Variants in MARCHF11 observed in about 807,000 individuals in gnomAD.
MARCHF11 encodes membrane associated ring-CH-type finger 11, also known as E3 ubiquitin-protein ligase MARCHF11.
Under a neutral mutation model 37.3 loss-of-function variants are expected in MARCHF11, and 29 were observed. The ratio of observed to expected loss-of-function variants is 0.78; its 90% CI spans 0.58 to 1.06. The LOEUF is 1.06. Ranked by LOEUF, MARCHF11 falls within the 50% of genes least tolerant of loss-of-function variation. The probability of loss-of-function intolerance (pLI) is 0.00; values close to 1 mark genes in which losing one functional copy is unlikely to be tolerated. For missense variants in MARCHF11, 482 were observed against 533.4 expected, an observed-to-expected ratio of 0.90 and a Z score of 0.95; for synonymous variants, 233 against 228.0, an observed-to-expected ratio of 1.02 and a Z score of -0.20.
intron 2 of MARCHF11, chr5:16,141,580 C>T (rs1737708466): frequency 6.6e-6 from 1 of 152,164 alleles, no homozygotes; most frequent in Admixed American, 6.5e-5. Context: ...GAACGATGTC[C>T]TTGGAAAGTC....
chr5:16,159,223 A>T (rs1262655429), intron 2 of MARCHF11, among the ~76,000 whole-genome samples: 2 of 151,872 alleles, frequency 1.3e-5, no homozygotes, highest in Non-Finnish European at 2.9e-5. Context: ...AATAAGTTTT[A>T]TGGACACACC....
chr5:16,098,435 T>C (rs571327338), intron 2 of MARCHF11, among the ~76,000 whole-genome samples: 1 of 152,268 alleles, frequency 6.6e-6, no homozygotes, highest in East Asian at 1.9e-4. Flanking sequence ...CAAGAAAACC[T>C]GTTAGAATTA....
At chr5:16,171,312 A>C (rs1289656216) in intron 2 of MARCHF11, among the ~76,000 whole-genome samples, 2 of 148,550 alleles carry the variant, frequency 1.3e-5, no homozygotes, top group Non-Finnish European at 3.0e-5. Flanking sequence ...TAAGTTTATA[A>C]TAAGTTCATT....
chr5:16,133,901 C>A (rs1737563815), intron 2 of MARCHF11, among the ~76,000 whole-genome samples: 1 of 152,072 alleles, frequency 6.6e-6, no homozygotes, highest in Non-Finnish European at 1.5e-5. Flanking sequence ...CGGGCCATAG[C>A]TTGTACAAGG....
At chr5:16,117,451 C>T (rs1214580324) in intron 2 of MARCHF11, among the ~76,000 whole-genome samples, 1 of 152,180 alleles carries the variant, frequency 6.6e-6, no homozygotes, top group Non-Finnish European at 1.5e-5. Context: ...CTTTGCACTC[C>T]TGAACTAACT....
intron 3 of MARCHF11, among the ~76,000 whole-genome samples, chr5:16,075,361 TG>T (rs1190751207): frequency 6.6e-6 from 1 of 152,220 alleles, no homozygotes; most frequent in African/African-American, 2.4e-5. Context: ...ATTTCTTCTC[TG>T]ATGTACTCAA....
rs1737970773 is a variant in MARCHF11 at position 16,155,846 on chromosome 5, C to T, written c.693+21880G>A. 2.0e-5 allele frequency among the ~76,000 whole-genome samples: 3 copies of T among 151,818 alleles called. No individual in the cohort carries two copies. In the South Asian group the frequency reaches 6.2e-4, roughly 31 times the overall value. Reference sequence around the variant, plus strand: ...AGTAGCCACTGTATTGTAACACAAACGATAATAAATGTGCTTCTTTTCTGA... The same window carrying T: ...AGTAGCCACTGTATTGTAACACAAATGATAATAAATGTGCTTCTTTTCTGA... On this transcript the variant is annotated intron_variant, in intron 2 of 3. Transcript: ENST00000332432.
intron 2 of MARCHF11, among the ~76,000 whole-genome samples, chr5:16,115,681 G>A (rs1737217385): frequency 2.0e-5 from 3 of 151,102 alleles, no homozygotes; most frequent in Admixed American, 2.0e-4. Flanking sequence ...AGGCTGGAGT[G>A]CAGTGGTGCA....
chr5:16,072,232 C>T (rs1254736577), intron 3 of MARCHF11, among the ~76,000 whole-genome samples: 1 of 152,126 alleles, frequency 6.6e-6, no homozygotes, highest in Non-Finnish European at 1.5e-5. Context: ...AAATGTAAAC[C>T]TTGAGTACTA....
chr5:16,124,542 G>A (rs1423034667), intron 2 of MARCHF11, among the ~76,000 whole-genome samples: 1 of 152,146 alleles, frequency 6.6e-6, no homozygotes, highest in African/African-American at 2.4e-5. Flanking sequence ...CCCAGGAGAA[G>A]ACAGAACCAT....
At chr5:16,113,184 A>C (rs1737175954) in intron 2 of MARCHF11, among the ~76,000 whole-genome samples, 1 of 152,206 alleles carries the variant, frequency 6.6e-6, no homozygotes, top group South Asian at 2.1e-4. Context: ...ATTTTTTCCC[A>C]AAATCACCAG....
rs564357871 is a variant in MARCHF11 at position 16,068,587 on chromosome 5, C to T, written c.887-794G>A. On this transcript the variant is annotated intron_variant, in intron 3 of 3. Transcript: ENST00000332432. ...GATCTTTCCACGTTTCTGAGACAGACTCTCAGGAAAATAAAGTAATACAGC... is the reference window on the plus strand; with the variant it reads ...GATCTTTCCACGTTTCTGAGACAGATTCTCAGGAAAATAAAGTAATACAGC... 2.0e-5 allele frequency among the ~76,000 whole-genome samples: 3 copies of T among 152,254 alleles called. No individual in the cohort carries two copies. The South Asian group carries it at 6.2e-4, about 32-fold the overall frequency.
intron 2 of MARCHF11, among the ~76,000 whole-genome samples, chr5:16,108,866 A>G (rs1737090268): frequency 6.6e-6 from 1 of 152,112 alleles, no homozygotes; most frequent in Non-Finnish European, 1.5e-5. Context: ...TTATGGAGAC[A>G]ACATTTGTAA....
intron 3 of MARCHF11, among the ~76,000 whole-genome samples, chr5:16,071,558 A>G (rs76585353): frequency 0.018 from 2,805 of 152,322 alleles, 71 homozygotes; most frequent in African/African-American, 0.064. Flanking sequence ...AATTCTTTCT[A>G]GTATTAGGCT....
At chr5:16,107,010 CCATGAACGT>C (rs1737052306) in intron 2 of MARCHF11, among the ~76,000 whole-genome samples, 1 of 152,194 alleles carries the variant, frequency 6.6e-6, no homozygotes, top group Admixed American at 6.5e-5. Flanking sequence ...ACCACCTGCC[CCATGAACGT>C]CAGATGTGGC....
chr5:16,148,128 T>G (rs1179576377), intron 2 of MARCHF11, among the ~76,000 whole-genome samples: 2 of 152,120 alleles, frequency 1.3e-5, no homozygotes, highest in African/African-American at 4.8e-5. Flanking sequence ...GAGTGCAATC[T>G]ATAACTTTCA....
chr5:16,176,422 C>A (rs1452969085), intron 2 of MARCHF11, among the ~76,000 whole-genome samples: 1 of 152,138 alleles, frequency 6.6e-6, no homozygotes, highest in African/African-American at 2.4e-5. Context: ...ATGATGGATT[C>A]ATAAATTGAT....
At chr5:16,158,301 G>A (rs1738012600) in intron 2 of MARCHF11, among the ~76,000 whole-genome samples, 1 of 151,898 alleles carries the variant, frequency 6.6e-6, no homozygotes, top group Non-Finnish European at 1.5e-5. Flanking sequence ...ACTGCTGTAT[G>A]ATCCATAGAT....
At chr5:16,085,541 G>A (rs1736679314) in intron 3 of MARCHF11, among the ~76,000 whole-genome samples, 1 of 139,942 alleles carries the variant, frequency 7.1e-6, no homozygotes, top group Non-Finnish European at 1.5e-5. Flanking sequence ...GATATCCATA[G>A]TTGGCATGGT....
Sources: gnomAD v4.1 joint callset for allele counts (sites outside exome capture counted in the v4.1 genomes callset) on GRCh38, gnomAD v4.1.1 for gene constraint, MANE v1.5 for transcripts, NCBI Gene and HGNC (gene_info 2026-07-23, HGNC 2026-07-21) for gene names.